The following ZNF560 variants were observed in gnomAD, a reference collection of about 807,000 sequenced individuals.
The protein encoded by ZNF560 is zinc finger protein 560.
ZNF560 carries 54 observed loss-of-function variants against 81.8 expected under a neutral mutation model. That is an observed-to-expected ratio of 0.66 (90% CI 0.53 to 0.83). ZNF560 has a LOEUF of 0.83. ZNF560 is among the 40% of genes least tolerant of loss of function. ZNF560 has a pLI of 0.00. For missense variants in ZNF560, 940 were observed against 932.4 expected, an observed-to-expected ratio of 1.01 and a Z score of -0.11; for synonymous variants, 321 against 317.9, an observed-to-expected ratio of 1.01 and a Z score of -0.10.
chr19:9,475,207 A>T, intron 3 of ZNF560, 77 bp downstream of exon 3: 1 of 1,490,266 alleles, frequency 6.7e-7, no homozygotes, highest in South Asian at 1.1e-5. Context: ...CTCTGGAGAC[A>T]CATCTGCCTA....
At chr19:9,479,148 C>T (rs1000222117) in intron 2 of ZNF560, among the ~76,000 whole-genome samples, 1 of 150,654 alleles carries the variant, frequency 6.6e-6, no homozygotes, top group Non-Finnish European at 1.5e-5. Context: ...GATCATGCCA[C>T]TATACTCCAG....
chr19:9,467,040 G>C lies in ZNF560; in HGVS notation c.1907C>G (p.Ala636Gly). 6.2e-7 allele frequency: 1 copy of C among 1,613,954 alleles called. No homozygotes were observed. Among genetic ancestry groups the C allele is most frequent in the Non-Finnish European group, 8.5e-7 (1 of 1,179,998 alleles). The change falls in exon 10 of 10, where the codon GCC becomes GGC. Residue 636 changes from alanine to glycine, a missense_variant. Physicochemically the swap from Ala to Gly is moderately conservative, Grantham distance 60 (BLOSUM62 0). Coordinates refer to ENST00000301480, the MANE Select transcript of ZNF560 (RefSeq NM_152476.3). ...KPYEYKDCGK[A>G]FVVSSSLVDH... ...AACTAGACTGGAGGAGACAACAAAGGCTTTCCCACAGTCCTTATATTCATA... is the reference window on the plus strand; with the variant it reads ...AACTAGACTGGAGGAGACAACAAAGCCTTTCCCACAGTCCTTATATTCATA...
chr19:9,470,661 A>G (rs2073107177), intron 6 of ZNF560, 143 bp from the exon 7 acceptor site: 1 of 1,073,502 alleles, frequency 9.3e-7, no homozygotes, highest in African/African-American at 1.6e-5. Context: ...GGCCCTAGGA[A>G]CTCTTCTATC....
rs1296878110 is a variant in ZNF560 at position 9,469,201 on chromosome 19, G to T, written c.530-14C>A. On this transcript the variant is annotated splice_polypyrimidine_tract_variant and intron_variant, in intron 8 of 9. Coordinates refer to ENST00000301480, the MANE Select transcript of ZNF560 (RefSeq NM_152476.3). ...ACATTTTCCATTCTGAAATAAAAGAGAAAAATATACATGAGAGTTTACACA... is the reference window on the plus strand; with the variant it reads ...ACATTTTCCATTCTGAAATAAAAGATAAAAATATACATGAGAGTTTACACA... 6.4e-7 allele frequency: 1 copy of T among 1,559,510 alleles called. No homozygotes were observed. The highest frequency in any genetic ancestry group is 2.0e-5 in the Admixed American group (1 of 50,086).
At chr19:9,475,240 G>A (rs959907999) in intron 3 of ZNF560, 44 bp downstream of exon 3, 8 of 1,605,114 alleles carry the variant, frequency 5.0e-6, no homozygotes, top group Non-Finnish European at 6.8e-6. Context: ...TTTACCTGGT[G>A]ATGCAAGTAT....
At chr19:9,475,964 C>G (rs965537852) in intron 2 of ZNF560, among the ~76,000 whole-genome samples, 1 of 152,160 alleles carries the variant, frequency 6.6e-6, no homozygotes, top group Non-Finnish European at 1.5e-5. Context: ...GGTGATATAA[C>G]TCACAAATGA....
At chr19:9,470,881 T>C (rs777335888) in intron 6 of ZNF560, among the ~76,000 whole-genome samples, 20 of 152,182 alleles carry the variant, frequency 1.3e-4, no homozygotes, top group Admixed American at 2.6e-4. Flanking sequence ...TTACCATCTG[T>C]CCTAGCACCC....
In ZNF560 at chr19:9,467,429, A is replaced by G. The variant is rs747747890; in HGVS notation, c.1518T>C (p.His506=). ...VFVSFSSLFA[H]LRTHTGEKPF... is the part of the protein sequence containing the mutation. ...GCTTCTCACCAGTGTGAGTTCTCAA[A>G]TGAGCAAAAAGAGATGAGAAAGAAA... Residue 506 remains histidine, a synonymous_variant, in exon 10 of 10, where the codon CAT becomes CAC. Coordinates refer to ENST00000301480, the MANE Select transcript of ZNF560 (RefSeq NM_152476.3). 1.3e-5 allele frequency: 21 copies of G among 1,613,966 alleles called. No individual in the cohort carries two copies. Among genetic ancestry groups the G allele is most frequent in the Middle Eastern group, 1.6e-4 (1 of 6,084 alleles).
At chr19:9,457,036 TGACA>T in the ZNF560 span, among the ~76,000 whole-genome samples, 415 of 152,310 alleles carry the variant, frequency 2.7e-3, 2 homozygotes, top group African/African-American at 9.1e-3. Context: ...TTAAAATGGC[TGACA>T]GACAGGCCAA....
In ZNF560 at chr19:9,466,633, G is replaced by A. The variant is rs1436319830; in HGVS notation, c.2314C>T (p.Gln772Ter). 1 of 1,612,694 alleles carries A rather than the reference G, an allele frequency of 6.2e-7. No homozygotes were observed. The highest frequency in any genetic ancestry group is 8.5e-7 in the Non-Finnish European group (1 of 1,179,262). The change falls in exon 10 of 10, where the codon CAG (glutamine) becomes TAG (stop). Residue 772 changes from glutamine to a stop codon, truncating the protein, a stop_gained. Transcript: ENST00000301480. LOFTEE classifies it high-confidence loss of function. Reference protein sequence around the residue: ...HMGEKPFECDQCGKAFASFSA... With the variant: ...HMGEKPFECD ...AAAGAAGCAAAGGCTTTCCCACACT[G>A]GTCACATTCAAAGGGTTTCTCTCCC...
At chr19:9,491,885 C>G (rs1236900651) in intron 2 of ZNF560, among the ~76,000 whole-genome samples, 1 of 123,316 alleles carries the variant, frequency 8.1e-6, no homozygotes, top group Non-Finnish European at 1.7e-5. Context: ...TATGGACTTC[C>G]ATTTACCAAA....
upstream of ZNF560, among the ~76,000 whole-genome samples, chr19:9,501,654 C>A (rs954675492): frequency 6.6e-6 from 1 of 151,648 alleles, no homozygotes; most frequent in Non-Finnish European, 1.5e-5. Flanking sequence ...AGCCACCACA[C>A]CTGGCTAATT....
the ZNF560 span, among the ~76,000 whole-genome samples, chr19:9,458,706 A>T: frequency 6.6e-6 from 1 of 152,220 alleles, no homozygotes; most frequent in Non-Finnish European, 1.5e-5. Context: ...CCTAGTTGCT[A>T]CTGCAATATC....
intron 2 of ZNF560, among the ~76,000 whole-genome samples, chr19:9,477,522 T>C (rs1398281228): frequency 1.3e-5 from 2 of 152,178 alleles, no homozygotes; most frequent in East Asian, 3.8e-4. Flanking sequence ...CAGAACTCAT[T>C]TCCAACTCTG....
At chr19:9,463,057 C>G (rs1382469613), downstream of ZNF560, among the ~76,000 whole-genome samples, 1 of 152,182 alleles carries the variant, frequency 6.6e-6, no homozygotes, top group African/African-American at 2.4e-5. Flanking sequence ...TTTACTACTT[C>G]TAGTTATTAT....
chr19:9,462,020 G>T (rs974591749), downstream of ZNF560, among the ~76,000 whole-genome samples: 1 of 152,192 alleles, frequency 6.6e-6, no homozygotes. Context: ...GTTTGTCTTT[G>T]TGTAGTCTGC....
chr19:9,467,313 T>TGATA lies in ZNF560; in HGVS notation c.1630_1633dup (p.Gln545LeufsTer4), dbSNP rs1431776265. The TGATA allele has an allele frequency of 6.2e-7, 1 of 1,614,166 alleles. No homozygotes were observed. The highest frequency in any genetic ancestry group is 1.1e-5 in the South Asian group (1 of 91,078). On this transcript the variant is annotated frameshift_variant, in exon 10 of 10. Transcript: ENST00000301480. LOFTEE classifies it high-confidence loss of function. ...GAAAGCTTTACCACATTTCTTACAT[T>TGATA]GATAGAGTCTCTCTTCTGTGTGAGT...
chr19:9,483,356 CGTCT>C (rs2073326497), intron 2 of ZNF560, among the ~76,000 whole-genome samples: 2 of 150,586 alleles, frequency 1.3e-5, no homozygotes, highest in Admixed American at 1.3e-4. Flanking sequence ...CCAGCCGCCC[CGTCT>C]GAGAAGTGAG....
chr19:9,466,715 T>A lies in ZNF560; in HGVS notation c.2232A>T (p.Glu744Asp), dbSNP rs756649233. ...AGGATGTACGGAAGGCCTTCCCACA[T>A]TCCTTACATTTATAGGGCTTCTCTC... is the stretch of plus-strand genomic sequence containing the variant. ...HTGEKPYKCK[E>D]CGKAFRTSSG... The change falls in exon 10 of 10, where the codon GAA becomes GAT. Residue 744 changes from glutamate (E) to aspartate (D), a missense_variant. Physicochemically the swap from Glu to Asp is conservative, Grantham distance 45. Coordinates refer to ENST00000301480, the MANE Select transcript of ZNF560 (RefSeq NM_152476.3). The A allele has an allele frequency of 5.0e-6, 8 of 1,613,930 alleles. No individual in the cohort carries two copies. The highest frequency in any genetic ancestry group is 6.8e-6 in the Non-Finnish European group (8 of 1,179,916).
Sources: allele counts gnomAD v4.1 joint callset (sites outside exome capture counted in the v4.1 genomes callset), GRCh38; gene constraint gnomAD v4.1.1; transcripts MANE v1.5; gene names NCBI Gene and HGNC (gene_info 2026-07-23, HGNC 2026-07-21).